The following CLDN16 variants were observed in gnomAD, a reference collection of about 807,000 sequenced individuals.
CLDN16 encodes the protein claudin 16, also known as claudin-16.
CLDN16 carries 13 observed loss-of-function variants against 24.6 expected under a neutral mutation model. That is an observed-to-expected ratio of 0.53 (90% confidence interval 0.34 to 0.84). The LOEUF is 0.84. Ranked by LOEUF, CLDN16 falls within the 40% of genes least tolerant of loss-of-function variation. The probability of loss-of-function intolerance (pLI) is 0.01; values close to 1 mark genes in which losing one functional copy is unlikely to be tolerated. For synonymous variants in CLDN16, 116 were observed against 106.7 expected (o/e 1.09, Z -0.54); for missense variants, 298 against 292.7 (o/e 1.02, Z -0.13).
chr3:190,297,137 G>C, the CLDN16 span, among the ~76,000 whole-genome samples: 3 of 150,482 alleles, frequency 2.0e-5, no homozygotes, highest in African/African-American at 7.4e-5. Flanking sequence ...AGAGTGAGTA[G>C]TTTCACTGAT....
rs1560091490 is a variant in CLDN16 at position 190,380,206 on chromosome 3, T to TCCCTC, written n.306+5605_306+5606insCTCCC. Among the ~76,000 whole-genome samples the TCCCTC allele has an allele frequency of 4.2e-4, 35 of 83,636 alleles. 7 individuals are homozygous for TCCCTC. Among genetic ancestry groups the TCCCTC allele is most frequent in the Non-Finnish European group, 7.2e-4 (25 of 34,818 alleles). 54.9% of individuals were successfully genotyped at this position (83,636 alleles called of 152,430 possible). ...CCTTTTCTTCCTTCCCTCCCTTCCT[T>TCCCTC]CCTTCCTCCCTTCCTTCCTTTTCTT... is the stretch of plus-strand genomic sequence containing the variant. On this transcript the variant is annotated intron_variant and non_coding_transcript_variant, in intron 3 of 4. Transcript: ENST00000468220.
At chr3:190,299,075 T>G in the CLDN16 span, among the ~76,000 whole-genome samples, 3 of 152,232 alleles carry the variant, frequency 2.0e-5, no homozygotes, top group African/African-American at 7.2e-5. Flanking sequence ...AATCCACATA[T>G]GCTACAACAC....
intron 1 of CLDN16, among the ~76,000 whole-genome samples, chr3:190,362,245 C>T (rs1421774426): frequency 6.6e-6 from 1 of 151,952 alleles, no homozygotes; most frequent in African/African-American, 2.4e-5. Flanking sequence ...GAGGCCATTT[C>T]AGCATCACTA....
chr3:190,310,224 A>G, the CLDN16 span: 1 of 1,613,926 alleles, frequency 6.2e-7, no homozygotes, highest in Non-Finnish European at 8.5e-7. Context: ...CTATTGCCAT[A>G]CCATGCTGTG....
chr3:190,302,778 A>AAAAT, the CLDN16 span, among the ~76,000 whole-genome samples: 2 of 115,166 alleles, frequency 1.7e-5, no homozygotes, highest in Non-Finnish European at 4.0e-5. Context: ...TCTCAAAAAA[A>AAAAT]AATATATATA....
intron 3 of CLDN16, among the ~76,000 whole-genome samples, chr3:190,375,489 C>A (rs578246426): frequency 6.6e-6 from 1 of 151,836 alleles, no homozygotes; most frequent in Non-Finnish European, 1.5e-5. Flanking sequence ...AGGAAGAAAC[C>A]AATTTGTTTT....
At chr3:190,358,261 CATA>C (rs1369534576) in intron 1 of CLDN16, among the ~76,000 whole-genome samples, 1 of 151,656 alleles carries the variant, frequency 6.6e-6, no homozygotes, top group East Asian at 1.9e-4. Context: ...AATTTTATGT[CATA>C]ATAAGAGCCG....
chr3:190,319,356 C>T (rs554915024), upstream of CLDN16, among the ~76,000 whole-genome samples: 18 of 152,112 alleles, frequency 1.2e-4, no homozygotes, highest in Non-Finnish European at 1.9e-4. Flanking sequence ...TTGTATCAGC[C>T]ATTATAAAAC....
the CLDN16 span, among the ~76,000 whole-genome samples, chr3:190,298,834 T>C: frequency 2.3e-4 from 35 of 152,252 alleles, no homozygotes; most frequent in Non-Finnish European, 3.4e-4. Flanking sequence ...TTTCAATGTG[T>C]AAACACACCA....
the CLDN16 span, among the ~76,000 whole-genome samples, chr3:190,302,777 A>AT: frequency 1.7e-4 from 19 of 113,892 alleles, no homozygotes; most frequent in African/African-American, 5.7e-4. Context: ...GTCTCAAAAA[A>AT]AAATATATAT....
intron 2 of CLDN16, chr3:190,374,433 T>TA (rs1718207003): frequency 6.6e-6 from 1 of 151,844 alleles, no homozygotes; most frequent in Admixed American, 6.6e-5. Context: ...CCAAAGTTCA[T>TA]AAAAGATGCC....
intron 3 of CLDN16, among the ~76,000 whole-genome samples, chr3:190,377,728 A>C (rs1188484389): frequency 6.6e-6 from 1 of 151,978 alleles, no homozygotes; most frequent in Non-Finnish European, 1.5e-5. Context: ...GTGTGTGTAA[A>C]TTCTGCGAGT....
At chr3:190,300,164 TG>T in the CLDN16 span, among the ~76,000 whole-genome samples, 1 of 152,160 alleles carries the variant, frequency 6.6e-6, no homozygotes, top group African/African-American at 2.4e-5. Flanking sequence ...TGAGGGGTCG[TG>T]GGGGCGGGCA....
intron 1 of CLDN16, among the ~76,000 whole-genome samples, chr3:190,341,741 C>A (rs1206455370): frequency 2.6e-5 from 4 of 152,182 alleles, no homozygotes; most frequent in Non-Finnish European, 5.9e-5. Context: ...TGTCAGGCTG[C>A]AGATTTTCTG....
At chr3:190,373,164 C>G (rs1206267897) in intron 2 of CLDN16, among the ~76,000 whole-genome samples, 1 of 151,920 alleles carries the variant, frequency 6.6e-6, no homozygotes, top group African/African-American at 2.4e-5. Flanking sequence ...TTCCCTTTCT[C>G]CTTATACTTT....
At position 190,341,595 on chromosome 3, in the gene CLDN16, A is replaced by G. The variant is rs567120788; in HGVS notation, n.121+18934A>G. The stretch of plus-strand genomic sequence containing the variant: ...GTCTGTGATGGGAGGGGCTGCCACA[A>G]AGGTCTCTCACATGCCCTGGAGATA... On this transcript the variant is annotated intron_variant and non_coding_transcript_variant, in intron 1 of 4. Transcript: ENST00000468220. 1.3e-4 allele frequency among the ~76,000 whole-genome samples: 20 copies of G among 152,268 alleles called. 1 individual carries two copies. The highest frequency in any genetic ancestry group is 4.6e-4 in the African/African-American group (19 of 41,544).
the CLDN16 span, among the ~76,000 whole-genome samples, chr3:190,297,501 T>C: frequency 1.2e-5 from 1 of 81,752 alleles, no homozygotes; most frequent in Non-Finnish European, 2.2e-5. Context: ...TCTATATTTA[T>C]ATCTATATAT....
upstream of CLDN16, chr3:190,387,801 G>T (rs901871034): frequency 2.2e-5 from 8 of 359,818 alleles, no homozygotes; most frequent in African/African-American, 1.7e-4. Context: ...CCAGTGGCCT[G>T]TCTGTCTAAA....
At chr3:190,393,933 T>G (rs910978343) in intron 1 of CLDN16, among the ~76,000 whole-genome samples, 3 of 151,768 alleles carry the variant, frequency 2.0e-5, no homozygotes, top group Non-Finnish European at 2.9e-5. Flanking sequence ...TTGTATTTTT[T>G]GTAGAGACGG....
Sources: allele counts gnomAD v4.1 joint callset (sites outside exome capture counted in the v4.1 genomes callset), GRCh38; gene constraint gnomAD v4.1.1; transcripts MANE v1.5; gene names NCBI Gene and HGNC (gene_info 2026-07-23, HGNC 2026-07-21).